LRWD1: variants seen among roughly 807,000 people sequenced by gnomAD.
LRWD1 encodes the protein leucine-rich repeat and WD repeat-containing protein 1.
In LRWD1, 76 loss-of-function variants were observed where a neutral mutation model predicts 75.6. That is an observed-to-expected ratio of 1.01 (90% CI 0.84 to 1.22). The LOEUF (loss-of-function observed/expected upper bound fraction) is 1.22. Among genes scored for constraint, LRWD1 ranks in the 50% most tolerant of loss-of-function variants. The pLI is 0.00. For missense variants in LRWD1, 917 were observed against 862.0 expected (o/e 1.06, Z -0.80); for synonymous variants, 487 against 377.0 (o/e 1.29, Z -3.38).
At position 102,465,260 on chromosome 7, in the gene LRWD1, C is replaced by T. The variant is rs1195226555; in HGVS notation, c.80+100C>T. 5.1e-6 allele frequency: 6 copies of T among 1,178,900 alleles called. No homozygotes were observed. The South Asian group carries it at 5.8e-5, about 11-fold the overall frequency. 73.0% of individuals were successfully genotyped at this position (1,178,900 alleles called of 1,614,324 possible). On this transcript the variant is annotated intron_variant, in intron 1 of 14. Coordinates refer to ENST00000292616, the MANE Select transcript of LRWD1 (RefSeq NM_152892.3). The stretch of plus-strand genomic sequence containing the variant: ...ACGGCCCGCTTGTCCCCGTTATCGC[C>T]CTCTGGGTTCGGCAGAGTGGTCCAA...
Position 102,468,127 on chromosome 7 carries a change from G to T in LRWD1, c.744G>T (p.Ala248=), listed in dbSNP as rs764974125. ...TCAGCCTCTCTCCCAGCAAGCGGGC[G>T]TGTGCCTCCCCGTCGGCCCAGGTGG... ...VPLSLSPSKR[A]CASPSAQVEG... is the part of the protein sequence containing the mutation. The change falls in exon 6 of 15, where the codon GCG becomes GCT. Residue 248 remains alanine, a synonymous_variant. Coordinates refer to ENST00000292616, the MANE Select transcript of LRWD1 (RefSeq NM_152892.3). 1 of 1,609,910 alleles carries T rather than the reference G, an allele frequency of 6.2e-7. No individual in the cohort carries two copies. The highest frequency in any genetic ancestry group is 8.5e-7 in the Non-Finnish European group (1 of 1,179,102).
chr7:102,472,688 G>C lies in LRWD1; in HGVS notation c.1691-4G>C. 6.2e-7 allele frequency: 1 copy of C among 1,613,448 alleles called. No homozygotes were observed. The highest frequency in any genetic ancestry group is 8.5e-7 in the Non-Finnish European group (1 of 1,179,928). On this transcript the variant is annotated splice_region_variant and splice_polypyrimidine_tract_variant and intron_variant, in intron 13 of 14. Transcript: ENST00000292616. ...CCACTCAGACTCCACCTCTGTCCCG[G>C]CAGATAAGGGGATTGTGCTCTGTGG...
rs1462037042 is a variant in LRWD1, at chr7:102,468,313, C to T, written c.855C>T (p.Asn285=). The T allele has an allele frequency of 1.9e-6, 3 of 1,612,774 alleles. No homozygotes were observed. In the South Asian group the frequency reaches 3.3e-5, roughly 18 times the overall value. Residue 285 remains asparagine, a synonymous_variant, in exon 7 of 15, where the codon AAC becomes AAT. Coordinates refer to ENST00000292616, the MANE Select transcript of LRWD1 (RefSeq NM_152892.3). ...ACTTCCTGCAGTGCCACAGCAAGAA[C>T]AACAGCCCCCAGGACCTCGAGACCC... ...PLHFLQCHSK[N]NSPQDLETQL...
Position 102,468,172 on chromosome 7 carries a change from C to T in LRWD1, c.789C>T (p.Gly263=), listed in dbSNP as rs760600995. The change falls in exon 6 of 15, where the codon GGC becomes GGT. Residue 263 remains glycine, a synonymous_variant. Transcript: ENST00000292616. ...SAQVEGSPVA[G]SDGSQPAVKL... is the part of the protein sequence containing the mutation. ...AGGTGGAGGGCAGCCCTGTGGCAGGCTCCGATGGCAGCCAGGTGAGCTGAG... is the reference window on the plus strand; with the variant it reads ...AGGTGGAGGGCAGCCCTGTGGCAGGTTCCGATGGCAGCCAGGTGAGCTGAG... The T allele has an allele frequency of 1.9e-5, 30 of 1,605,498 alleles. No homozygotes were observed. The highest frequency in any genetic ancestry group is 2.3e-5 in the Non-Finnish European group (27 of 1,177,284).
chr7:102,465,320 C>G (rs1378167215), intron 1 of LRWD1, 160 bp downstream of exon 1: 5 of 747,400 alleles, frequency 6.7e-6, no homozygotes, highest in Non-Finnish European at 7.9e-6. Flanking sequence ...GCCCCACCCG[C>G]TCGCCGGGAG....
In LRWD1 at chr7:102,466,166, C is replaced by G. The variant is rs746430950; in HGVS notation, c.328C>G (p.Leu110Val). ...CTCTCTTCCCCAGGTCAATGACAACCTGAAAGTCTCCTTTCTCCTGCCCAC... is the reference window on the plus strand; with the variant it reads ...CTCTCTTCCCCAGGTCAATGACAACGTGAAAGTCTCCTTTCTCCTGCCCAC... ...GNPFLTVNDN[L>V]KVSFLLPTLR... The change falls in exon 3 of 15, where the codon CTG becomes GTG. Residue 110 changes from leucine to valine, a missense_variant. Transcript: ENST00000292616. 3.7e-6 allele frequency: 6 copies of G among 1,614,206 alleles called. No homozygotes were observed. Among genetic ancestry groups the G allele is most frequent in the Non-Finnish European group, 5.1e-6 (6 of 1,180,028 alleles).
intron 3 of LRWD1, 25 bp from the exon 4 acceptor site, chr7:102,467,314 C>T: frequency 6.3e-7 from 1 of 1,581,504 alleles, no homozygotes; most frequent in Non-Finnish European, 8.6e-7. Flanking sequence ...TGGGCCGGGC[C>T]TGGATCTGGT....
chr7:102,472,507 T>C lies in LRWD1; in HGVS notation c.1588T>C (p.Trp530Arg), dbSNP rs539175596. 13 of 1,553,044 alleles carry C rather than the reference T, an allele frequency of 8.4e-6. No individual in the cohort carries two copies. The highest frequency in any genetic ancestry group is 1.1e-5 in the Non-Finnish European group (13 of 1,149,846). Residue 530 changes from tryptophan (W) to arginine (R), a missense_variant, in exon 13 of 15, where the codon TGG (tryptophan) becomes CGG (arginine). Transcript: ENST00000292616. ...TICLWSWRQTWGGRGSQSTVA... is the reference protein window; with the variant it reads ...TICLWSWRQTRGGRGSQSTVA... ...CTGCCTGTGGAGCTGGAGGCAGACG[T>C]GGGGGGGCCGGGGCAGCCAGTCCAC...
At chr7:102,465,195 G>C (rs1273422972) in intron 1 of LRWD1, 35 bp downstream of exon 1, 5 of 1,417,172 alleles carry the variant, frequency 3.5e-6, no homozygotes, top group Non-Finnish European at 4.6e-6. Flanking sequence ...CTGTGTCCTC[G>C]GGGCCGGGCG....
In LRWD1 at chr7:102,467,754, T is replaced by C. The variant is rs2133266427; in HGVS notation, c.609T>C (p.Ser203=). ...RMISEELVAA[S]RTQVQKANSP... ...TCTCTGAGGAGCTGGTGGCCGCCAG[T>C]AGGACCCAGGTGCAAAAGGCTAACA... The change falls in exon 5 of 15, where the codon AGT becomes AGC. Residue 203 remains serine, a synonymous_variant. Coordinates refer to ENST00000292616, the MANE Select transcript of LRWD1 (RefSeq NM_152892.3). The C allele has an allele frequency of 6.4e-7, 1 of 1,551,900 alleles. No homozygotes were observed. The highest frequency in any genetic ancestry group is 8.7e-7 in the Non-Finnish European group (1 of 1,147,228).
chr7:102,470,164 T>C (rs1798142113), intron 11 of LRWD1: 2 of 409,620 alleles, frequency 4.9e-6, no homozygotes, highest in South Asian at 1.2e-4. Context: ...AGCCCACTCC[T>C]GCCACTCATC....
chr7:102,468,318 GC>G lies in LRWD1; in HGVS notation c.865del (p.Gln289ArgfsTer35). The G allele has an allele frequency of 6.2e-7, 1 of 1,612,724 alleles. No individual in the cohort carries two copies. The highest frequency in any genetic ancestry group is 8.5e-7 in the Non-Finnish European group (1 of 1,179,572). ...HFLQCHSKNN[S>X]PQDLETQLWA... ...CTGCAGTGCCACAGCAAGAACAACAGCCCCCAGGACCTCGAGACCCAGCTGT... is the reference window on the plus strand; with the variant it reads ...CTGCAGTGCCACAGCAAGAACAACAGCCCCAGGACCTCGAGACCCAGCTGT... On this transcript the variant is annotated frameshift_variant, in exon 7 of 15. Coordinates refer to ENST00000292616, the MANE Select transcript of LRWD1 (RefSeq NM_152892.3). LOFTEE classifies it high-confidence loss of function.
In LRWD1 at chr7:102,471,754, G is replaced by A. The variant is rs58691346; in HGVS notation, c.1443-464G>A. 1,076 of 169,916 alleles carry A rather than the reference G, an allele frequency of 6.3e-3. 48 individuals are homozygous for A. In the East Asian group the frequency reaches 0.12, roughly 19 times the overall value. The allele number at this position is 169,916 out of a possible 1,614,324, so 10.5% of individuals were successfully genotyped here. On this transcript the variant is annotated intron_variant, in intron 11 of 14. Transcript: ENST00000292616. Reference sequence around the variant, plus strand: ...CATTCCCTCATTCCCCCATTCCCCCGTCTTTTGAGTCAGAGCAGATGCCCC... The same window carrying A: ...CATTCCCTCATTCCCCCATTCCCCCATCTTTTGAGTCAGAGCAGATGCCCC...
chr7:102,470,190 C>T (rs553799116), intron 11 of LRWD1: 100 of 360,310 alleles, frequency 2.8e-4, no homozygotes, highest in African/African-American at 1.9e-3. Flanking sequence ...TGTGATGGTC[C>T]TCTGTGCTGG....
chr7:102,469,232 G>T (rs1467403481), intron 9 of LRWD1, among the ~76,000 whole-genome samples, 170 bp downstream of exon 9: 1 of 152,178 alleles, frequency 6.6e-6, no homozygotes, highest in Non-Finnish European at 1.5e-5. Context: ...TTCAACCCTG[G>T]CTTTATCCAC....
In LRWD1 at chr7:102,472,575, C is replaced by T. The variant is rs368888055; in HGVS notation, c.1656C>T (p.Thr552=). The T allele has an allele frequency of 3.7e-5, 59 of 1,607,254 alleles. No homozygotes were observed. The South Asian group carries it at 3.9e-4, about 11-fold the overall frequency. The part of the protein sequence containing the change: ...VVLARLQWSS[T]ELAYFSLSAC... ...TGGCGCGGCTGCAATGGTCGTCCACCGAGTTGGCCTACTTCTCGCTCAGCG... is the reference window on the plus strand; with the variant it reads ...TGGCGCGGCTGCAATGGTCGTCCACTGAGTTGGCCTACTTCTCGCTCAGCG... The change falls in exon 13 of 15, where the codon ACC becomes ACT. Residue 552 remains threonine, a synonymous_variant. Coordinates refer to ENST00000292616, the MANE Select transcript of LRWD1 (RefSeq NM_152892.3).
At chr7:102,465,228 CT>C in intron 1 of LRWD1, 68 bp downstream of exon 1, 1 of 1,327,750 alleles carries the variant, frequency 7.5e-7, no homozygotes, top group Non-Finnish European at 9.8e-7. Flanking sequence ...AGCGGGGACC[CT>C]CCCCAACGGC....
Position 102,468,586 on chromosome 7 carries a change from G to T in LRWD1, c.952G>T (p.Gly318Trp), listed in dbSNP as rs1179557588. The change falls in exon 8 of 15, where the codon GGG becomes TGG. Residue 318 changes from glycine (G) to tryptophan (W), a missense_variant. Physicochemically the swap from Gly to Trp is radical, Grantham distance 184. Coordinates refer to ENST00000292616, the MANE Select transcript of LRWD1 (RefSeq NM_152892.3). Reference protein sequence around the residue: ...ATSQTVATCGGEAVCVIDCQT... With the variant: ...ATSQTVATCGWEAVCVIDCQT... ...ATCCCAGACCGTGGCCACGTGCGGCGGGGAGGCTGTGTGCGTAATTGATTG... is the reference window on the plus strand; with the variant it reads ...ATCCCAGACCGTGGCCACGTGCGGCTGGGAGGCTGTGTGCGTAATTGATTG... The T allele has an allele frequency of 6.3e-7, 1 of 1,577,840 alleles. No homozygotes were observed. Among genetic ancestry groups the T allele is most frequent in the South Asian group, 1.2e-5 (1 of 86,208 alleles).
In LRWD1 at chr7:102,467,839, A is replaced by G; in HGVS notation, c.678+16A>G. On this transcript the variant is annotated intron_variant, in intron 5 of 14. Coordinates refer to ENST00000292616, the MANE Select transcript of LRWD1 (RefSeq NM_152892.3). ...CAAGCCCAGGGTGAGTGCAGCTCCC[A>G]GGGCTCTGAGGCCAGCCCAGTCCCT... The G allele has an allele frequency of 6.5e-7, 1 of 1,547,668 alleles. No individual in the cohort carries two copies. The highest frequency in any genetic ancestry group is 8.7e-7 in the Non-Finnish European group (1 of 1,145,162).
Sources: gnomAD v4.1 joint callset for allele counts (sites outside exome capture counted in the v4.1 genomes callset) on GRCh38, gnomAD v4.1.1 for gene constraint, MANE v1.5 for transcripts, NCBI Gene and HGNC (gene_info 2026-07-23, HGNC 2026-07-21) for gene names.